Variants in WDR44 observed in about 807,000 individuals in gnomAD.
WDR44 encodes WD repeat-containing protein 44.
In WDR44, 9 loss-of-function variants were observed where a neutral mutation model predicts 65.7. That is an observed-to-expected ratio of 0.14 (90% CI 0.08 to 0.24). The LOEUF is 0.24. Ranked by LOEUF, WDR44 falls within the 10% of genes least tolerant of loss-of-function variation. The probability of loss-of-function intolerance (pLI) is 1.00; values close to 1 mark genes in which losing one functional copy is unlikely to be tolerated. For missense variants in WDR44, 425 were observed against 670.9 expected (o/e 0.63, Z 4.05); for synonymous variants, 220 against 235.2 (o/e 0.94, Z 0.59).
chrX:118,378,483 T>C, intron 2 of WDR44, 31 bp downstream of exon 2: 1 of 1,166,130 alleles, frequency 8.6e-7, no homozygotes, highest in Middle Eastern at 2.4e-4. Flanking sequence ...GTTATGTTTT[T>C]AGAAATTGTA....
chrX:118,411,422 TA>T, intron 12 of WDR44, among the ~76,000 whole-genome samples: 1 of 112,181 alleles, frequency 8.9e-6, no homozygotes, highest in Non-Finnish European at 1.9e-5. Context: ...TAACCAATTT[TA>T]AACCTATAAA....
intron 14 of WDR44, among the ~76,000 whole-genome samples, chrX:118,438,048 GA>G (rs1219275955): frequency 1.8e-5 from 2 of 108,713 alleles, no homozygotes; most frequent in Admixed American, 2.0e-4. Flanking sequence ...AAAAAAAGAG[GA>G]AGAAGACTTG....
chrX:118,409,422 G>T, intron 10 of WDR44, 67 bp from the exon 11 acceptor site: 1 of 1,139,379 alleles, frequency 8.8e-7, no homozygotes, highest in Non-Finnish European at 1.2e-6. Flanking sequence ...GAGCCACCAT[G>T]CCAGGCCAAA....
chrX:118,398,148 A>C (rs1160314650), intron 7 of WDR44, among the ~76,000 whole-genome samples: 1 of 111,740 alleles, frequency 8.9e-6, no homozygotes, highest in Non-Finnish European at 1.9e-5. Context: ...GAGGCAGGAG[A>C]ATTGCTTGAA....
At chrX:118,436,103 G>A (rs937791789) in intron 13 of WDR44, among the ~76,000 whole-genome samples, 11 of 111,963 alleles carry the variant, frequency 9.8e-5, no homozygotes, top group African/African-American at 2.9e-4. Context: ...GGGCCATCAC[G>A]GTGCCTAAGT....
intron 10 of WDR44, among the ~76,000 whole-genome samples, chrX:118,408,646 G>A (rs2056987919): frequency 9.0e-6 from 1 of 110,934 alleles, no homozygotes; most frequent in African/African-American, 3.3e-5. Context: ...TGATCCACCC[G>A]CCTGGACCTC....
At chrX:118,374,533 A>G (rs1232544668) in intron 1 of WDR44, among the ~76,000 whole-genome samples, 1 of 111,983 alleles carries the variant, frequency 8.9e-6, no homozygotes, top group Admixed American at 9.5e-5. Flanking sequence ...TACCTCAAAC[A>G]TGAGTGTCTT....
chrX:118,369,750 G>A (rs1009593816), intron 1 of WDR44, among the ~76,000 whole-genome samples: 4 of 111,352 alleles, frequency 3.6e-5, no homozygotes, highest in East Asian at 2.8e-4. Flanking sequence ...TACAGGTGTG[G>A]GCTACCACGT....
At position 118,393,019 on chromosome X, in the gene WDR44, C is replaced by G; in HGVS notation, c.574C>G (p.Pro192Ala). 8.3e-7 allele frequency: 1 copy of G among 1,211,704 alleles called. No individual in the cohort carries two copies. The highest frequency in any genetic ancestry group is 3.0e-5 in the East Asian group (1 of 33,840). Residue 192 changes from proline (P) to alanine (A), a missense_variant, in exon 4 of 20, where the codon CCT (proline) becomes GCT (alanine). Pro to Ala is a conservative substitution (Grantham distance 27, BLOSUM62 -1). This residue lies in a region of WDR44 where 193 missense variants were observed against 209.0 expected (regional missense o/e 0.92). Coordinates refer to ENST00000254029, the MANE Select transcript of WDR44 (RefSeq NM_019045.5). ...EVKGGGDVLE[P>A]VSSDSLSTKD... Reference sequence around the variant, plus strand: ...CAAAGGAGGTGGTGATGTTTTAGAGCCTGTGTCCTCAGACTCCTTATCTAC... The same window carrying G: ...CAAAGGAGGTGGTGATGTTTTAGAGGCTGTGTCCTCAGACTCCTTATCTAC...
Position 118,361,245 on chromosome X carries a change from G to A in WDR44, c.77+14665G>A, listed in dbSNP as rs181702845. On this transcript the variant is annotated intron_variant, in intron 1 of 19. Coordinates refer to ENST00000254029, the MANE Select transcript of WDR44 (RefSeq NM_019045.5). Reference sequence around the variant, plus strand: ...GTTGAACATGAAGCAGGTGGCAAATGTAAGTTTAGTCTACACACTGATTCC... The same window carrying A: ...GTTGAACATGAAGCAGGTGGCAAATATAAGTTTAGTCTACACACTGATTCC... Among the ~76,000 whole-genome samples the A allele has an allele frequency of 7.2e-5, 8 of 111,770 alleles. No individual in the cohort carries two copies. In the Admixed American group the frequency reaches 7.7e-4, roughly 11 times the overall value.
chrX:118,381,447 C>T (rs891991932), intron 2 of WDR44, among the ~76,000 whole-genome samples: 1 of 110,161 alleles, frequency 9.1e-6, no homozygotes, highest in Non-Finnish European at 1.9e-5. Flanking sequence ...CCACCCTGGA[C>T]GATAGAGTGA....
intron 8 of WDR44, among the ~76,000 whole-genome samples, chrX:118,403,500 CA>C (rs10611060): frequency 9.2e-6 from 1 of 109,138 alleles, no homozygotes; most frequent in Non-Finnish European, 1.9e-5. Flanking sequence ...CCTCTATTGA[CA>C]AAAAAAAATT....
In WDR44 at chrX:118,422,559, G is replaced by A. The variant is rs776556922; in HGVS notation, c.1738-10222G>A. ...ATACGAAAATTAGCTGGGCATGGTG[G>A]CATGTGCCTATAATCCCAGCTACTT... On this transcript the variant is annotated intron_variant, in intron 12 of 19. Coordinates refer to ENST00000254029, the MANE Select transcript of WDR44 (RefSeq NM_019045.5). Among the ~76,000 whole-genome samples, 9 of 110,690 alleles carry A rather than the reference G, an allele frequency of 8.1e-5. No individual in the cohort carries two copies. In the East Asian group the frequency reaches 2.6e-3, roughly 31 times the overall value.
At chrX:118,447,032 A>ATTTTTTTTTTTTTTTTTTTTTTTTTT in intron 19 of WDR44, 2 of 276,359 alleles carry the variant, frequency 7.2e-6, no homozygotes, top group Non-Finnish European at 1.4e-5. Flanking sequence ...TGCCTGGCTA[A>ATTTTTTTTTTTTTTTTTTTTTTTTTT]TTTTTTTTTT....
At chrX:118,432,249 G>A (rs2057217881) in intron 12 of WDR44, among the ~76,000 whole-genome samples, 1 of 111,416 alleles carries the variant, frequency 9.0e-6, no homozygotes, top group African/African-American at 3.3e-5. Context: ...TCTTAAGATG[G>A]CTGCTACAGT....
rs754531557 is a variant in WDR44, at chrX:118,392,910, G to A, written c.465G>A (p.Thr155=). 12 of 1,210,868 alleles carry A rather than the reference G, an allele frequency of 9.9e-6. No homozygotes were observed. The highest frequency in any genetic ancestry group is 2.2e-5 in the Admixed American group (1 of 45,861). Residue 155 remains threonine, a synonymous_variant, in exon 4 of 20, where the codon ACG becomes ACA. Transcript: ENST00000254029. Reference sequence around the variant, plus strand: ...GTGAGAAACCAGTAGATGAAACCACGAAGTTAACTCAAACAAGTTCAACTG... The same window carrying A: ...GTGAGAAACCAGTAGATGAAACCACAAAGTTAACTCAAACAAGTTCAACTG... ...ETCEKPVDET[T]KLTQTSSTEQ...
chrX:118,442,386 T>C, intron 16 of WDR44, 41 bp downstream of exon 16: 1 of 1,069,412 alleles, frequency 9.4e-7, no homozygotes, highest in Admixed American at 2.4e-5. Context: ...ATACTATATG[T>C]AGATTCTTGA....
chrX:118,366,360 A>G (rs1475876100), intron 1 of WDR44, among the ~76,000 whole-genome samples: 6 of 110,309 alleles, frequency 5.4e-5, no homozygotes, highest in Non-Finnish European at 5.7e-5. Flanking sequence ...GGTTTTTGCA[A>G]TTTTTCTTGG....
chrX:118,386,830 C>T (rs2056771760), intron 2 of WDR44, among the ~76,000 whole-genome samples: 1 of 111,313 alleles, frequency 9.0e-6, no homozygotes, highest in Non-Finnish European at 1.9e-5. Flanking sequence ...CTTTCTTATG[C>T]AAATTACATT....
Sources: gnomAD v4.1 joint callset for allele counts (sites outside exome capture counted in the v4.1 genomes callset) on GRCh38, gnomAD v4.1.1 for gene constraint, gnomAD v4.1.1 regional missense constraint, MANE v1.5 for transcripts, NCBI Gene and HGNC (gene_info 2026-07-23, HGNC 2026-07-21) for gene names.